The following PLB1 variants were observed in gnomAD, a reference collection of about 807,000 sequenced individuals.
The protein encoded by PLB1 is phospholipase B1.
Under a neutral mutation model 227.4 loss-of-function variants are expected in PLB1, and 242 were observed. The observed-to-expected ratio is 1.06, with a 90% CI of 0.96 to 1.18. PLB1 has a LOEUF of 1.18. Among genes scored for constraint, PLB1 ranks in the 50% most tolerant of loss-of-function variants. The pLI is 0.00. For missense variants in PLB1, 1,858 were observed against 1,816.3 expected (o/e 1.02, Z -0.42); for synonymous variants, 757 against 682.2 (o/e 1.11, Z -1.71).
chr2:28,557,326 G>A (rs1370854362), intron 17 of PLB1, among the ~76,000 whole-genome samples: 2 of 152,152 alleles, frequency 1.3e-5, no homozygotes, highest in Admixed American at 1.3e-4. Context: ...AACTCACACC[G>A]AAGACTCCAA....
At chr2:28,553,067 C>A in intron 17 of PLB1, 76 bp downstream of exon 17, 2 of 1,259,504 alleles carry the variant, frequency 1.6e-6, no homozygotes, top group South Asian at 1.2e-5. Flanking sequence ...TTCCACATAA[C>A]CTGAAATACT....
chr2:28,607,685 C>T (rs1457915434), intron 43 of PLB1, among the ~76,000 whole-genome samples: 1 of 152,068 alleles, frequency 6.6e-6, no homozygotes, highest in Non-Finnish European at 1.5e-5. Flanking sequence ...CCTACTGTGC[C>T]AGGTGTAAAC....
intron 16 of PLB1, among the ~76,000 whole-genome samples, chr2:28,552,387 C>G (rs569226266): frequency 6.6e-6 from 1 of 152,156 alleles, no homozygotes; most frequent in African/African-American, 2.4e-5. Context: ...TTAGAGGCCT[C>G]TTAGGCCATG....
chr2:28,496,625 T>G (rs1406682311), intron 1 of PLB1, among the ~76,000 whole-genome samples: 1 of 152,192 alleles, frequency 6.6e-6, no homozygotes, highest in Non-Finnish European at 1.5e-5. Context: ...GATTTCCAGA[T>G]GATAAATTCT....
At chr2:28,556,867 C>A (rs2148229953) in intron 17 of PLB1, among the ~76,000 whole-genome samples, 1 of 152,320 alleles carries the variant, frequency 6.6e-6, no homozygotes, top group African/African-American at 2.4e-5. Context: ...CAATTCCTTG[C>A]TAAGTCCCTG....
At chr2:28,583,581 C>T (rs1293222433) in intron 25 of PLB1, among the ~76,000 whole-genome samples, 1 of 152,168 alleles carries the variant, frequency 6.6e-6, no homozygotes, top group Non-Finnish European at 1.5e-5. Context: ...CACAGGTGCA[C>T]AGCACGCAGT....
chr2:28,536,200 T>A (rs1484967614), intron 9 of PLB1, among the ~76,000 whole-genome samples: 1 of 152,224 alleles, frequency 6.6e-6, no homozygotes, highest in African/African-American at 2.4e-5. Context: ...TGTCCACAGT[T>A]GTTCTTTAGG....
At chr2:28,517,002 G>A (rs1432663020) in intron 2 of PLB1, 133 bp downstream of exon 2, 8 of 841,002 alleles carry the variant, frequency 9.5e-6, no homozygotes, top group Non-Finnish European at 1.3e-5. Flanking sequence ...TGGGCTGGAT[G>A]AACCGCTTCC....
At chr2:28,567,218 AAAAG>A (rs1344736448) in intron 20 of PLB1, among the ~76,000 whole-genome samples, 3 of 152,248 alleles carry the variant, frequency 2.0e-5, no homozygotes, top group Admixed American at 1.3e-4. Context: ...AGAAAAAAGA[AAAAG>A]AAACCCGGTT....
intron 17 of PLB1, 54 bp from the exon 18 acceptor site, chr2:28,562,987 T>C: frequency 2.7e-6 from 4 of 1,496,114 alleles, no homozygotes; most frequent in Non-Finnish European, 3.7e-6. Context: ...AGTAGATGGG[T>C]CCAGTGCTTT....
intron 1 of PLB1, among the ~76,000 whole-genome samples, chr2:28,509,536 CT>C (rs1475729881): frequency 6.6e-6 from 1 of 152,222 alleles, no homozygotes; most frequent in Non-Finnish European, 1.5e-5. Flanking sequence ...CTCCATGGTG[CT>C]TTGTTGGTTC....
intron 21 of PLB1, among the ~76,000 whole-genome samples, chr2:28,576,696 C>G (rs1679009150): frequency 6.6e-6 from 1 of 152,158 alleles, no homozygotes; most frequent in Non-Finnish European, 1.5e-5. Context: ...CGCCATTGCA[C>G]TACAACCTGG....
chr2:28,597,983 C>A, intron 33 of PLB1, 22 bp from the exon 34 acceptor site: 1 of 1,608,350 alleles, frequency 6.2e-7, no homozygotes, highest in Non-Finnish European at 8.5e-7. Flanking sequence ...CTCTCATTCA[C>A]TGGCTTGCTC....
chr2:28,606,165 C>T (rs1281246506), intron 42 of PLB1, among the ~76,000 whole-genome samples: 1 of 152,192 alleles, frequency 6.6e-6, no homozygotes, highest in Non-Finnish European at 1.5e-5. Context: ...GGAGGGACCT[C>T]TCTACAGAAA....
intron 17 of PLB1, among the ~76,000 whole-genome samples, chr2:28,561,724 C>CA (rs542499032): frequency 1.9e-3 from 295 of 151,742 alleles, no homozygotes; most frequent in African/African-American, 6.7e-3. Flanking sequence ...GCTCTCTCTA[C>CA]AAAAAAATAA....
At chr2:28,532,318 ATGG>A in intron 9 of PLB1, 124 bp downstream of exon 9, 1 of 362,782 alleles carries the variant, frequency 2.8e-6, no homozygotes. Context: ...ATTTTAGAAC[ATGG>A]ATGGATGGAT....
At chr2:28,560,224 C>G (rs577864438) in intron 17 of PLB1, among the ~76,000 whole-genome samples, 36 of 152,138 alleles carry the variant, frequency 2.4e-4, no homozygotes, top group African/African-American at 8.2e-4. Context: ...TTTAGTGCAG[C>G]GTTGTGCCAC....
At chr2:28,503,759 G>A (rs550540986) in intron 1 of PLB1, among the ~76,000 whole-genome samples, 2 of 152,258 alleles carry the variant, frequency 1.3e-5, no homozygotes, top group South Asian at 4.1e-4. Context: ...TCCCAAAAGA[G>A]CACAAATAGA....
Position 28,641,480 on chromosome 2 carries a change from C to A in PLB1, c.4173+479C>A, listed in dbSNP as rs988348816. ...AAAGTCAGCCGGGCATGGTGGCGGG[C>A]GCCTGTCATCCCAGCTACTCAGGAG... On this transcript the variant is annotated intron_variant, in intron 57 of 57. Transcript: ENST00000327757. Among the ~76,000 whole-genome samples, 7 of 152,228 alleles carry A rather than the reference C, an allele frequency of 4.6e-5. No individual in the cohort carries two copies. In the East Asian group the frequency reaches 1.2e-3, roughly 25 times the overall value.
Sources: gnomAD v4.1 joint callset for allele counts (sites outside exome capture counted in the v4.1 genomes callset) on GRCh38, gnomAD v4.1.1 for gene constraint, MANE v1.5 for transcripts, NCBI Gene and HGNC (gene_info 2026-07-23, HGNC 2026-07-21) for gene names.